Variants in RALGAPA2 observed in about 807,000 individuals in gnomAD.
RALGAPA2 encodes ral GTPase-activating protein subunit alpha-2.
A neutral mutation model predicts 230.4 loss-of-function variants in RALGAPA2; 139 were observed. The ratio of observed to expected loss-of-function variants is 0.60; its 90% CI spans 0.53 to 0.69. The LOEUF (loss-of-function observed/expected upper bound fraction) is 0.69, where lower values mean the gene tolerates loss of function less well. RALGAPA2 is among the 30% of genes least tolerant of loss of function. The pLI is 0.00. For synonymous variants in RALGAPA2, 847 were observed against 837.8 expected, an observed-to-expected ratio of 1.01 and a Z score of -0.19; for missense variants, 2,163 against 2,276.0, an observed-to-expected ratio of 0.95 and a Z score of 1.01.
chr20:20,571,669 A>G, intron 22 of RALGAPA2, 56 bp from the exon 23 acceptor site: 1 of 1,558,032 alleles, frequency 6.4e-7, no homozygotes, highest in African/African-American at 1.4e-5. Context: ...GAGTATTTCA[A>G]CATTTCATTT....
intron 1 of RALGAPA2, among the ~76,000 whole-genome samples, chr20:20,682,584 A>G (rs1256588964): frequency 6.6e-6 from 1 of 152,138 alleles, no homozygotes; most frequent in African/African-American, 2.4e-5. Context: ...GTCACAGAAC[A>G]CATCACACTT....
At chr20:20,547,162 T>C (rs897412303) in intron 23 of RALGAPA2, among the ~76,000 whole-genome samples, 1 of 152,234 alleles carries the variant, frequency 6.6e-6, no homozygotes, top group African/African-American at 2.4e-5. Context: ...AATTAAAACC[T>C]TCAAATATCT....
intron 13 of RALGAPA2, 137 bp from the exon 14 acceptor site, chr20:20,611,563 C>T: frequency 7.4e-7 from 1 of 1,346,044 alleles, no homozygotes; most frequent in Non-Finnish European, 9.8e-7. Flanking sequence ...AGTCCAGATG[C>T]CAATTACATA....
At chr20:20,399,097 C>A (rs1461312299) in intron 38 of RALGAPA2, among the ~76,000 whole-genome samples, 2 of 152,176 alleles carry the variant, frequency 1.3e-5, no homozygotes, top group African/African-American at 4.8e-5. Context: ...GTAATCCCAG[C>A]ACTTTGGGAG....
intron 36 of RALGAPA2, among the ~76,000 whole-genome samples, chr20:20,487,114 T>C (rs892393269): frequency 6.6e-6 from 1 of 152,226 alleles, no homozygotes; most frequent in Non-Finnish European, 1.5e-5. Context: ...TATTTTGCCT[T>C]TTAGTGGGCC....
intron 37 of RALGAPA2, chr20:20,470,801 T>C (rs1292291934): frequency 1.3e-5 from 2 of 152,234 alleles, no homozygotes; most frequent in Admixed American, 6.5e-5. Flanking sequence ...TGTTTTCTCT[T>C]ATTATATTCC....
At chr20:20,401,404 A>T (rs959563657) in intron 38 of RALGAPA2, among the ~76,000 whole-genome samples, 2 of 152,116 alleles carry the variant, frequency 1.3e-5, no homozygotes, top group Non-Finnish European at 2.9e-5. Flanking sequence ...CCCAAACCTC[A>T]CACCACCCTC....
At chr20:20,536,867 C>A in intron 24 of RALGAPA2, 83 bp from the exon 25 acceptor site, 1 of 1,411,586 alleles carries the variant, frequency 7.1e-7, no homozygotes, top group East Asian at 2.6e-5. Context: ...TACTCTTCAT[C>A]CTAGATAAAA....
At chr20:20,536,819 T>A in intron 24 of RALGAPA2, 35 bp from the exon 25 acceptor site, 1 of 1,590,098 alleles carries the variant, frequency 6.3e-7, no homozygotes, top group Non-Finnish European at 8.6e-7. Flanking sequence ...CACATTTCTC[T>A]TTTTGTAAGT....
At chr20:20,691,801 GAT>G (rs2068921868) in intron 1 of RALGAPA2, among the ~76,000 whole-genome samples, 1 of 152,174 alleles carries the variant, frequency 6.6e-6, no homozygotes, top group African/African-American at 2.4e-5. Flanking sequence ...TATTCCAAGT[GAT>G]ATAGTTTGGA....
At chr20:20,642,138 G>A (rs1318928329) in intron 5 of RALGAPA2, among the ~76,000 whole-genome samples, 3 of 32,424 alleles carry the variant, frequency 9.3e-5, no homozygotes, top group Non-Finnish European at 1.7e-4. Context: ...GGAGGGGAGG[G>A]GAGAGAAGGG....
intron 26 of RALGAPA2, among the ~76,000 whole-genome samples, chr20:20,535,170 G>A (rs1328748285): frequency 6.6e-6 from 1 of 152,182 alleles, no homozygotes; most frequent in African/African-American, 2.4e-5. Context: ...GTGATCTTAT[G>A]GGGTTTGAAA....
chr20:20,596,727 G>T (rs1460483025), intron 16 of RALGAPA2, among the ~76,000 whole-genome samples: 1 of 152,218 alleles, frequency 6.6e-6, no homozygotes, highest in African/African-American at 2.4e-5. Flanking sequence ...AGATGGCAAA[G>T]GCAGGAAAAC....
intron 5 of RALGAPA2, among the ~76,000 whole-genome samples, chr20:20,641,592 A>G (rs953111362): frequency 3.9e-5 from 6 of 152,038 alleles, no homozygotes; most frequent in Non-Finnish European, 7.4e-5. Context: ...CTTCAAATTT[A>G]TCCCATTCCT....
At chr20:20,635,273 A>T in intron 9 of RALGAPA2, 145 bp downstream of exon 9, 1 of 812,702 alleles carries the variant, frequency 1.2e-6, no homozygotes, top group Non-Finnish European at 2.0e-6. Flanking sequence ...CCTTGGCATT[A>T]CAGACAGGGT....
chr20:20,506,410 C>A (rs926645946), intron 33 of RALGAPA2, among the ~76,000 whole-genome samples: 1 of 152,060 alleles, frequency 6.6e-6, no homozygotes, highest in Non-Finnish European at 1.5e-5. Flanking sequence ...ACAAATTATA[C>A]CCTGGAGTAA....
intron 23 of RALGAPA2, among the ~76,000 whole-genome samples, chr20:20,548,336 T>C (rs952825783): frequency 5.9e-5 from 9 of 152,232 alleles, no homozygotes; most frequent in African/African-American, 2.2e-4. Flanking sequence ...AAAAACTTTG[T>C]ATGTGTTCAC....
At chr20:20,710,756 A>C (rs2069823671) in intron 1 of RALGAPA2, among the ~76,000 whole-genome samples, 1 of 152,258 alleles carries the variant, frequency 6.6e-6, no homozygotes, top group Non-Finnish European at 1.5e-5. Context: ...AACCTGATCT[A>C]GGTTTACTTG....
At chr20:20,591,425 A>C in intron 16 of RALGAPA2, 111 bp from the exon 17 acceptor site, 1 of 1,251,016 alleles carries the variant, frequency 8.0e-7, no homozygotes, top group Non-Finnish European at 1.1e-6. Context: ...TTTCACAAAT[A>C]ATTTATAGTC....
Sources: allele counts gnomAD v4.1 joint callset (sites outside exome capture counted in the v4.1 genomes callset), GRCh38; gene constraint gnomAD v4.1.1; transcripts MANE v1.5; gene names NCBI Gene and HGNC (gene_info 2026-07-23, HGNC 2026-07-21).